Variants in ADORA2B observed in about 807,000 individuals in gnomAD.
ADORA2B encodes the protein adenosine receptor A2b.
ADORA2B carries 18 observed loss-of-function variants against 20.8 expected under a neutral mutation model. The ratio of observed to expected loss-of-function variants is 0.87; its 90% confidence interval spans 0.60 to 1.29. The LOEUF is 1.29. Among genes scored for constraint, ADORA2B ranks in the 50% most tolerant of loss-of-function variants. The pLI is 0.00. For synonymous variants in ADORA2B, 179 were observed against 178.3 expected (o/e 1.00, Z -0.03); for missense variants, 441 against 422.7 (o/e 1.04, Z -0.38).
At position 15,969,845 on chromosome 17, in the gene ADORA2B, C is replaced by G. The variant is rs140489040; in HGVS notation, c.336-4834C>G. On this transcript the variant is annotated intron_variant, in intron 1 of 1. Transcript: ENST00000304222. The stretch of plus-strand genomic sequence containing the variant: ...CTCTGGCCAGGTGACCTTTATACAA[C>G]AGAAATCAGTACCATCCCCTGCTTA... Among the ~76,000 whole-genome samples the G allele has an allele frequency of 4.4e-3, 671 of 152,320 alleles. 6 individuals are homozygous for G. The highest frequency in any genetic ancestry group is 4.9e-3 in the Non-Finnish European group (335 of 68,036).
chr17:15,956,736 C>T (rs992698252), intron 1 of ADORA2B, among the ~76,000 whole-genome samples: 9 of 151,876 alleles, frequency 5.9e-5, no homozygotes, highest in East Asian at 3.9e-4. Context: ...GCTGAGATTA[C>T]GGGCACATGC....
chr17:15,869,693 A>C, the ADORA2B span, among the ~76,000 whole-genome samples: 1 of 152,200 alleles, frequency 6.6e-6, no homozygotes, highest in African/African-American at 2.4e-5. Context: ...CAGTGCTGCT[A>C]TCCCACTTCA....
chr17:15,858,913 C>A, the ADORA2B span: 1 of 152,358 alleles, frequency 6.6e-6, no homozygotes, highest in East Asian at 1.9e-4. Flanking sequence ...AGCAGTGCAG[C>A]TGACACAAGG....
At chr17:15,870,216 TAGATGA>T in the ADORA2B span, among the ~76,000 whole-genome samples, 1 of 147,716 alleles carries the variant, frequency 6.8e-6, no homozygotes, top group African/African-American at 2.5e-5. Flanking sequence ...AAAATTTACT[TAGATGA>T]AGATATATAT....
intron 1 of ADORA2B, among the ~76,000 whole-genome samples, chr17:15,961,895 C>T (rs1013784801): frequency 2.6e-5 from 4 of 152,238 alleles, no homozygotes; most frequent in Admixed American, 1.3e-4. Flanking sequence ...CCCTCATGAC[C>T]TGATCGCCTC....
the ADORA2B span, chr17:15,850,741 A>G: frequency 6.3e-6 from 1 of 159,946 alleles, no homozygotes; most frequent in South Asian, 2.3e-4. Context: ...TTCTTTATAC[A>G]TATGTGTGTG....
chr17:15,949,250 C>T (rs528554538), intron 1 of ADORA2B, among the ~76,000 whole-genome samples: 5 of 152,156 alleles, frequency 3.3e-5, no homozygotes, highest in East Asian at 1.9e-4. Context: ...CAGTGGCTCA[C>T]GCCTGTAATC....
upstream of ADORA2B, among the ~76,000 whole-genome samples, chr17:15,943,940 A>G (rs1969766842): frequency 6.6e-6 from 1 of 152,138 alleles, no homozygotes; most frequent in Non-Finnish European, 1.5e-5. Context: ...GTGCTCTAGA[A>G]CAATGGTGTT....
At chr17:15,914,634 G>A in the ADORA2B span, among the ~76,000 whole-genome samples, 4 of 152,250 alleles carry the variant, frequency 2.6e-5, no homozygotes, top group Non-Finnish European at 5.9e-5. Flanking sequence ...CATTGTGTAA[G>A]TGTCCCATGA....
At chr17:15,854,708 A>G in the ADORA2B span, among the ~76,000 whole-genome samples, 68 of 152,342 alleles carry the variant, frequency 4.5e-4, no homozygotes, top group African/African-American at 1.6e-3. Context: ...TAGGACCTCT[A>G]AGGGAAAGAA....
chr17:15,906,068 A>G, the ADORA2B span, among the ~76,000 whole-genome samples: 6 of 152,222 alleles, frequency 3.9e-5, no homozygotes, highest in Non-Finnish European at 8.8e-5. Flanking sequence ...AGGCAGTTTT[A>G]TTTCTACCTT....
the ADORA2B span, among the ~76,000 whole-genome samples, chr17:15,879,481 A>G: frequency 6.6e-6 from 1 of 151,206 alleles, no homozygotes; most frequent in East Asian, 1.9e-4. Context: ...AGTAATATTT[A>G]TTTTACTGCC....
At chr17:15,925,967 C>G in the ADORA2B span, among the ~76,000 whole-genome samples, 3 of 151,478 alleles carry the variant, frequency 2.0e-5, no homozygotes, top group Non-Finnish European at 4.4e-5. Context: ...AAGACTCCGT[C>G]TTAAAAAAAA....
rs1969785379 is a variant in ADORA2B, at chr17:15,945,290, G to A, written c.42G>A (p.Glu14=). The change falls in exon 1 of 2, where the codon GAG becomes GAA. Residue 14 remains glutamate, a synonymous_variant. Transcript: ENST00000304222. ...AGGACGCGCTGTACGTGGCGCTGGA[G>A]CTGGTCATCGCCGCGCTTTCGGTGG... The part of the protein sequence containing the change: ...ETQDALYVAL[E]LVIAALSVAG... 1.9e-6 allele frequency: 3 copies of A among 1,546,792 alleles called. No homozygotes were observed. Among genetic ancestry groups the A allele is most frequent in the Non-Finnish European group, 2.6e-6 (3 of 1,150,756 alleles).
chr17:15,925,997 C>T, the ADORA2B span, among the ~76,000 whole-genome samples: 1 of 151,904 alleles, frequency 6.6e-6, no homozygotes, highest in Non-Finnish European at 1.5e-5. Context: ...AGGGTTAAGG[C>T]GAATGGGATG....
At chr17:15,919,219 C>T in the ADORA2B span, among the ~76,000 whole-genome samples, 1 of 152,142 alleles carries the variant, frequency 6.6e-6, no homozygotes, top group East Asian at 1.9e-4. Context: ...TTCTAAAGCC[C>T]AGTGGCCTAT....
chr17:15,885,532 G>T, the ADORA2B span, among the ~76,000 whole-genome samples: 2 of 152,118 alleles, frequency 1.3e-5, no homozygotes, highest in East Asian at 1.9e-4. Context: ...TGGCCAACAT[G>T]GTGAAACCCC....
chr17:15,922,290 G>A, the ADORA2B span, among the ~76,000 whole-genome samples: 1 of 152,068 alleles, frequency 6.6e-6, no homozygotes, highest in Non-Finnish European at 1.5e-5. Flanking sequence ...TAACCCCAAA[G>A]TTAGCATGCT....
chr17:15,937,459 G>A, the ADORA2B span, among the ~76,000 whole-genome samples: 1 of 152,236 alleles, frequency 6.6e-6, no homozygotes, highest in South Asian at 2.1e-4. Flanking sequence ...CTTATGCACA[G>A]CCCCAAAGTC....
Sources: gnomAD v4.1 joint callset for allele counts (sites outside exome capture counted in the v4.1 genomes callset) on GRCh38, gnomAD v4.1.1 for gene constraint, MANE v1.5 for transcripts, NCBI Gene and HGNC (gene_info 2026-07-23, HGNC 2026-07-21) for gene names.